Variants in STAM observed in about 807,000 individuals in gnomAD.
The protein encoded by STAM is signal transducing adaptor molecule.
STAM carries 16 observed loss-of-function variants against 63.4 expected under a neutral mutation model. The observed-to-expected ratio is 0.25, with a 90% CI of 0.17 to 0.38. The LOEUF is 0.38. Among genes scored for constraint, STAM ranks in the 10% least tolerant of loss-of-function variants. The pLI, the probability that STAM is intolerant of heterozygous loss-of-function variation, is 1.00. For synonymous variants in STAM, 238 were observed against 223.9 expected (o/e 1.06, Z -0.56); for missense variants, 636 against 657.1 (o/e 0.97, Z 0.35).
In STAM at chr10:17,688,016, C is replaced by T; in HGVS notation, c.298-11C>T. ...AATTGGTGCTCTTTTATTTCTTTTT[C>T]TATTTTACAGGGTCATCCTAAAGTA... On this transcript the variant is annotated splice_polypyrimidine_tract_variant and intron_variant, in intron 4 of 13. Transcript: ENST00000377524. 1 of 1,546,314 alleles carries T rather than the reference C, an allele frequency of 6.5e-7. No individual in the cohort carries two copies.
chr10:17,690,422 C>G (rs1201975307), intron 5 of STAM, among the ~76,000 whole-genome samples: 1 of 152,024 alleles, frequency 6.6e-6, no homozygotes, highest in African/African-American at 2.4e-5. Context: ...TATGTAACAG[C>G]TAATCTTGTC....
Position 17,708,288 on chromosome 10 carries a change from T to G in STAM, c.1210-488T>G, listed in dbSNP as rs868922367. 1.6e-4 allele frequency among the ~76,000 whole-genome samples: 24 copies of G among 152,314 alleles called. No homozygotes were observed. In the Middle Eastern group the frequency reaches 0.01, roughly 65 times the overall value. ...ACATGGTCCACAAAACTTAAAATAT[T>G]TACGTCAGGCCCTTTACAAAAAAGT... On this transcript the variant is annotated intron_variant, in intron 12 of 13. Transcript: ENST00000377524.
intron 8 of STAM, among the ~76,000 whole-genome samples, chr10:17,697,933 A>G (rs1230168759): frequency 6.6e-6 from 1 of 152,176 alleles, no homozygotes; most frequent in Admixed American, 6.5e-5. Flanking sequence ...AAGAATTTTA[A>G]GAAAAAAAAT....
intron 2 of STAM, among the ~76,000 whole-genome samples, chr10:17,673,348 A>G (rs1554824281): frequency 1.3e-5 from 2 of 152,184 alleles, no homozygotes; most frequent in Non-Finnish European, 1.5e-5. Context: ...TATAAGGAAG[A>G]TGACTTATTC....
intron 2 of STAM, among the ~76,000 whole-genome samples, chr10:17,667,229 C>T (rs11254716): frequency 0.1 from 15,408 of 151,758 alleles, 848 homozygotes; most frequent in Middle Eastern, 0.16. Flanking sequence ...CAAGTTCAAG[C>T]GATTCTCCTG....
intron 4 of STAM, 122 bp downstream of exon 4, chr10:17,685,049 A>G: frequency 2.8e-6 from 2 of 703,544 alleles, no homozygotes; most frequent in Non-Finnish European, 2.3e-6. Context: ...GGCTGTGTCT[A>G]TCCAGTATAT....
intron 13 of STAM, among the ~76,000 whole-genome samples, chr10:17,709,798 G>A (rs2570277): frequency 0.19 from 29,089 of 149,188 alleles, 3,432 homozygotes; most frequent in African/African-American, 0.34. Flanking sequence ...AAAGAGTTAC[G>A]TGTTAGAGAT....
In STAM at chr10:17,714,637, G is replaced by A. The variant is rs782522322; in HGVS notation, c.1480G>A (p.Asp494Asn). The change falls in exon 14 of 14, where the codon GAT becomes AAT. Residue 494 changes from aspartate to asparagine, a missense_variant. This residue lies in a region of STAM where 532 missense variants were observed against 536.9 expected (regional missense o/e 0.99). Transcript: ENST00000377524. ...PAATAAAATA[D>N]VTLYQNAGPN... is the part of the protein sequence containing the mutation. The stretch of plus-strand genomic sequence containing the variant: ...CGCTACTGCTGCTGCTGCAACTGCC[G>A]ATGTCACTCTGTACCAGAATGCAGG... The A allele has an allele frequency of 5.6e-6, 9 of 1,614,116 alleles. No homozygotes were observed. The highest frequency in any genetic ancestry group is 1.7e-5 in the Admixed American group (1 of 60,016).
At chr10:17,663,212 C>A (rs1471641386) in intron 2 of STAM, among the ~76,000 whole-genome samples, 1 of 152,036 alleles carries the variant, frequency 6.6e-6, no homozygotes, top group Non-Finnish European at 1.5e-5. Context: ...GTTATTCTCC[C>A]AGAAATGTTT....
chr10:17,687,633 T>G (rs995351141), intron 4 of STAM, among the ~76,000 whole-genome samples: 2 of 152,220 alleles, frequency 1.3e-5, no homozygotes, highest in Non-Finnish European at 2.9e-5. Flanking sequence ...AAATGCATAG[T>G]CATGAACATT....
chr10:17,673,207 A>G (rs1554824272), intron 2 of STAM: 1 of 177,992 alleles, frequency 5.6e-6, no homozygotes, highest in Non-Finnish European at 1.1e-5. Context: ...TCCTCCCAGC[A>G]CTACTTATTG....
At chr10:17,702,347 G>C (rs1454119241) in intron 9 of STAM, among the ~76,000 whole-genome samples, 2 of 152,106 alleles carry the variant, frequency 1.3e-5, no homozygotes, top group Admixed American at 6.5e-5. Context: ...AAATTGAGTA[G>C]AAATATGATA....
intron 1 of STAM, among the ~76,000 whole-genome samples, chr10:17,649,657 T>C (rs1418862918): frequency 6.6e-6 from 1 of 152,236 alleles, no homozygotes; most frequent in African/African-American, 2.4e-5. Flanking sequence ...ACATTAGTCT[T>C]GTATTTCTAT....
chr10:17,685,171 C>G (rs1554825927), intron 4 of STAM, among the ~76,000 whole-genome samples: 1 of 152,110 alleles, frequency 6.6e-6, no homozygotes, highest in Non-Finnish European at 1.5e-5. Context: ...ATACTTTCAT[C>G]TGATAAGAAA....
chr10:17,656,564 G>C (rs576340290), intron 1 of STAM, among the ~76,000 whole-genome samples: 1 of 152,088 alleles, frequency 6.6e-6, no homozygotes, highest in South Asian at 2.1e-4. Context: ...GGAGGGTAAC[G>C]GTACAAATGT....
At chr10:17,711,623 G>T (rs546670892) in intron 13 of STAM, among the ~76,000 whole-genome samples, 1 of 152,286 alleles carries the variant, frequency 6.6e-6, no homozygotes, top group Admixed American at 6.5e-5. Context: ...GTTCTGTCAC[G>T]TCAGAGATGT....
intron 2 of STAM, chr10:17,673,104 C>T: frequency 1.1e-6 from 1 of 899,228 alleles, no homozygotes; most frequent in Non-Finnish European, 1.3e-6. Context: ...CTTTGGTAGA[C>T]TCTTCTAAGT....
In STAM at chr10:17,714,713, C is replaced by T. The variant is rs1554830615; in HGVS notation, c.1556C>T (p.Pro519Leu). Residue 519 changes from proline to leucine, a missense_variant, in exon 14 of 14, where the codon CCT (proline) becomes CTT (leucine). Physicochemically the swap from Pro to Leu is moderately conservative, Grantham distance 98. This residue lies in a region of STAM where 532 missense variants were observed against 536.9 expected (regional missense o/e 0.99). Coordinates refer to ENST00000377524, the MANE Select transcript of STAM (RefSeq NM_003473.4). ...TATAACTTAACATCATCAACTCTGCCTCAGCCCGGAGGCAGCCAACAGCCA... is the reference window on the plus strand; with the variant it reads ...TATAACTTAACATCATCAACTCTGCTTCAGCCCGGAGGCAGCCAACAGCCA... ...PNYNLTSSTL[P>L]QPGGSQQPPQ... 2 of 1,614,092 alleles carry T rather than the reference C, an allele frequency of 1.2e-6. No individual in the cohort carries two copies. The highest frequency in any genetic ancestry group is 1.7e-5 in the Admixed American group (1 of 60,012).
At chr10:17,662,427 G>T (rs1469441275) in intron 2 of STAM, among the ~76,000 whole-genome samples, 1 of 152,030 alleles carries the variant, frequency 6.6e-6, no homozygotes, top group African/African-American at 2.4e-5. Context: ...ACTGACAATG[G>T]TATGATCCTC....
Sources: allele counts gnomAD v4.1 joint callset (sites outside exome capture counted in the v4.1 genomes callset), GRCh38; gene constraint gnomAD v4.1.1; regional missense constraint gnomAD v4.1.1; transcripts MANE v1.5; gene names NCBI Gene and HGNC (gene_info 2026-07-23, HGNC 2026-07-21).